Variants in PDLIM7 observed in about 807,000 individuals in gnomAD.
PDLIM7 encodes PDZ and LIM domain protein 7.
A neutral mutation model predicts 53.9 loss-of-function variants in PDLIM7; 37 were observed. That is an observed-to-expected ratio of 0.69 (90% CI 0.53 to 0.90). The LOEUF (loss-of-function observed/expected upper bound fraction) is 0.90, where lower values mean the gene tolerates loss of function less well. PDLIM7 is among the 40% of genes least tolerant of loss of function. The pLI is 0.00. For missense variants in PDLIM7, 617 were observed against 638.5 expected (o/e 0.97, Z 0.36); for synonymous variants, 300 against 261.3 (o/e 1.15, Z -1.43).
At chr5:177,496,994 G>C (rs1186938652) in intron 1 of PDLIM7, 18 of 140,450 alleles carry the variant, frequency 1.3e-4, no homozygotes, top group African/African-American at 4.3e-4. Context: ...AGCACACGGG[G>C]GCTTGGGACG....
intron 2 of PDLIM7, chr5:177,495,160 G>C (rs1051737286): frequency 6.6e-6 from 1 of 152,404 alleles, no homozygotes. Flanking sequence ...GGCTGTGTGA[G>C]GGCTATGTAG....
intron 1 of PDLIM7, among the ~76,000 whole-genome samples, chr5:177,497,031 G>A (rs1581767885): frequency 6.9e-6 from 1 of 144,540 alleles, no homozygotes; most frequent in African/African-American, 2.5e-5. Context: ...GGAGGGGAGG[G>A]GAGGGGAGGG....
intron 1 of PDLIM7, among the ~76,000 whole-genome samples, chr5:177,497,145 G>A (rs1381422353): frequency 6.6e-6 from 1 of 151,956 alleles, no homozygotes; most frequent in African/African-American, 2.4e-5. Context: ...GAAGGCGGGA[G>A]TGGGGTGCGG....
At chr5:177,497,036 G>T (rs1404827589) in intron 1 of PDLIM7, among the ~76,000 whole-genome samples, 1 of 145,774 alleles carries the variant, frequency 6.9e-6, no homozygotes, top group Non-Finnish European at 1.5e-5. Flanking sequence ...GGAGGGGAGG[G>T]GAGGGGAGGG....
intron 7 of PDLIM7, chr5:177,490,525 G>A (rs1217978863): frequency 1.3e-6 from 2 of 1,564,894 alleles, no homozygotes; most frequent in Non-Finnish European, 8.7e-7. Context: ...CACGTGGGCA[G>A]AGCGCTGGTG....
At chr5:177,486,254 G>A (rs1239384479) in intron 10 of PDLIM7, among the ~76,000 whole-genome samples, 1 of 152,082 alleles carries the variant, frequency 6.6e-6, no homozygotes, top group African/African-American at 2.4e-5. Flanking sequence ...GTTTGCTACT[G>A]ATTTTAAAAT....
At position 177,483,726 on chromosome 5, in the gene PDLIM7, C is replaced by G. The variant is rs370248347; in HGVS notation, c.1292G>C (p.Cys431Ser). The change falls in exon 13 of 13, where the codon TGT becomes TCT. Residue 431 changes from cysteine to serine, a missense_variant. Cys to Ser is a moderately radical substitution (Grantham distance 112). Coordinates refer to ENST00000355841, the MANE Select transcript of PDLIM7 (RefSeq NM_005451.5). ...WHDTCFVCAI[C>S]QINLEGKTFY... ...GGTCTTTCCTTCCAGGTTGATCTGA[C>G]ATATCTAAGGACAGCAAAGGCCCAG... 6.2e-7 allele frequency: 1 copy of G among 1,612,518 alleles called. No homozygotes were observed. The highest frequency in any genetic ancestry group is 8.5e-7 in the Non-Finnish European group (1 of 1,178,750).
intron 9 of PDLIM7, 90 bp from the exon 10 acceptor site, chr5:177,488,338 G>T: frequency 9.4e-7 from 1 of 1,062,632 alleles, no homozygotes; most frequent in Non-Finnish European, 1.3e-6. Flanking sequence ...CCACCAGGAG[G>T]CCTTGGGAGG....
intron 10 of PDLIM7, among the ~76,000 whole-genome samples, chr5:177,485,908 C>T (rs1365864716): frequency 6.6e-6 from 1 of 151,966 alleles, no homozygotes; most frequent in Non-Finnish European, 1.5e-5. Flanking sequence ...ATCCTCTGAG[C>T]CCAGGAGATC....
chr5:177,495,403 C>A (rs1759018818), intron 2 of PDLIM7, among the ~76,000 whole-genome samples: 1 of 152,210 alleles, frequency 6.6e-6, no homozygotes, highest in Non-Finnish European at 1.5e-5. Flanking sequence ...GCCTGCCCAC[C>A]CGGCGCCTGG....
chr5:177,490,001 A>G (rs1391816319), intron 7 of PDLIM7, 169 bp from the exon 8 acceptor site: 1 of 1,534,922 alleles, frequency 6.5e-7, no homozygotes, highest in South Asian at 1.2e-5. Context: ...TTCTCCTAGC[A>G]ATGTCCAGTT....
At chr5:177,495,906 G>A (rs115239877) in intron 2 of PDLIM7, among the ~76,000 whole-genome samples, 7 of 152,046 alleles carry the variant, frequency 4.6e-5, no homozygotes, top group Admixed American at 2.0e-4. Context: ...AAAAATGTAC[G>A]CCATGCTGTG....
At chr5:177,492,725 C>A in intron 2 of PDLIM7, 48 bp from the exon 3 acceptor site, 1 of 1,577,846 alleles carries the variant, frequency 6.3e-7, no homozygotes, top group Non-Finnish European at 8.6e-7. Flanking sequence ...CCTGCAGACC[C>A]AAGCCAGGCT....
rs1275664649 is a variant in PDLIM7 at position 177,491,073 on chromosome 5, G to T, written c.472C>A (p.Arg158=). ...GAACGCGACTGGCCTGTCCCCGGCC[G>T]CGGCCGCCAGTCCTCTGTGTTCTCC... ...LMENTEDWRP[R]PGTGQSRSFR... is the part of the protein sequence containing the mutation. Residue 158 remains arginine, a synonymous_variant, in exon 6 of 13, where the codon CGG becomes AGG. Coordinates refer to ENST00000355841, the MANE Select transcript of PDLIM7 (RefSeq NM_005451.5). The T allele has an allele frequency of 3.1e-6, 5 of 1,610,830 alleles. No individual in the cohort carries two copies. The highest frequency in any genetic ancestry group is 1.7e-5 in the Admixed American group (1 of 59,618).
intron 2 of PDLIM7, chr5:177,492,949 G>T (rs909049989): frequency 1.0e-5 from 5 of 476,476 alleles, no homozygotes; most frequent in Non-Finnish European, 1.9e-5. Context: ...CCCCAGTCAC[G>T]ATGCTTATCT....
intron 10 of PDLIM7, among the ~76,000 whole-genome samples, chr5:177,486,194 C>T (rs936981869): frequency 6.6e-6 from 1 of 151,980 alleles, no homozygotes; most frequent in Non-Finnish European, 1.5e-5. Flanking sequence ...GCTGGGATTA[C>T]AGGCATGAGC....
chr5:177,486,692 G>A (rs1417263424), intron 10 of PDLIM7, among the ~76,000 whole-genome samples: 1 of 152,120 alleles, frequency 6.6e-6, no homozygotes, highest in African/African-American at 2.4e-5. Flanking sequence ...AGGCTGGAGT[G>A]CAGTGGCGCG....
chr5:177,495,579 C>T (rs189620259), intron 2 of PDLIM7, among the ~76,000 whole-genome samples: 7 of 152,356 alleles, frequency 4.6e-5, no homozygotes, highest in South Asian at 4.1e-4. Context: ...AGCCTGGTGA[C>T]CAGCTGAGAG....
intron 9 of PDLIM7, among the ~76,000 whole-genome samples, chr5:177,488,488 C>A (rs1561700878): frequency 6.6e-6 from 1 of 152,186 alleles, no homozygotes; most frequent in African/African-American, 2.4e-5. Flanking sequence ...CAGGGAGGAC[C>A]CCGGGAGGAA....
Sources: allele counts gnomAD v4.1 joint callset (sites outside exome capture counted in the v4.1 genomes callset), GRCh38; gene constraint gnomAD v4.1.1; transcripts MANE v1.5; gene names NCBI Gene and HGNC (gene_info 2026-07-23, HGNC 2026-07-21).